CFAP92: variants seen among roughly 807,000 people sequenced by gnomAD.
The protein encoded by CFAP92 is cilia and flagella associated protein 92 (putative), also known as uncharacterized protein CFAP92.
CFAP92 carries 86 observed loss-of-function variants against 106.3 expected under a neutral mutation model. The observed-to-expected ratio is 0.81, with a 90% CI of 0.68 to 0.97. CFAP92 has a LOEUF of 0.97. Among genes scored for constraint, CFAP92 ranks in the 50% least tolerant of loss-of-function variants. The probability of loss-of-function intolerance (pLI) is 0.00; values close to 1 mark genes in which losing one functional copy is unlikely to be tolerated. For synonymous variants in CFAP92, 477 were observed against 506.4 expected (o/e 0.94, Z 0.78); for missense variants, 1,204 against 1,283.8 (o/e 0.94, Z 0.95).
At chr3:129,011,413 T>C in the CFAP92 span, among the ~76,000 whole-genome samples, 1 of 152,028 alleles carries the variant, frequency 6.6e-6, no homozygotes, top group Non-Finnish European at 1.5e-5. Flanking sequence ...TAGCCAGGTG[T>C]CCTGGCACGT....
intron 12 of CFAP92, among the ~76,000 whole-genome samples, chr3:128,918,940 A>ATTTTT (rs10573280): frequency 1.8e-4 from 19 of 105,856 alleles, no homozygotes; most frequent in African/African-American, 5.7e-4. Flanking sequence ...CTCAGATTGG[A>ATTTTT]TTTTTTTTTT....
intron 15 of CFAP92, 108 bp downstream of exon 15, chr3:128,915,011 G>T (rs1936687428): frequency 3.7e-6 from 4 of 1,092,572 alleles, no homozygotes; most frequent in Non-Finnish European, 5.1e-6. Context: ...TAGAAAGTTT[G>T]GTTGATAGTG....
intron 1 of CFAP92, among the ~76,000 whole-genome samples, chr3:129,000,609 A>G (rs1944679597): frequency 6.6e-6 from 1 of 152,224 alleles, no homozygotes; most frequent in African/African-American, 2.4e-5. Flanking sequence ...TGAAAAAGAA[A>G]GGGAACACAG....
At chr3:128,951,947 C>T (rs1488171688) in intron 9 of CFAP92, among the ~76,000 whole-genome samples, 1 of 152,088 alleles carries the variant, frequency 6.6e-6, no homozygotes, top group African/African-American at 2.4e-5. Flanking sequence ...GTGAAGTCCA[C>T]AAGAGCAGTA....
chr3:128,916,083 C>T (rs60997885), intron 13 of CFAP92, 24 bp downstream of exon 13: 378,039 of 1,230,330 alleles, frequency 0.31, 60,903 homozygotes, highest in Non-Finnish European at 0.33. Context: ...TGCCAACTGC[C>T]ATCATCCTGT....
In CFAP92 at chr3:128,949,836, G is replaced by A. The variant is rs181831049; in HGVS notation, c.1354-3861C>T. ...TGAGGAGCTGGGATCACAGGCACGT[G>A]CCACCACGCTCAGCTGATTTTTGTG... On this transcript the variant is annotated intron_variant, in intron 9 of 15. Coordinates refer to ENST00000645291, the MANE Select transcript of CFAP92 (RefSeq NM_001394090.1). Among the ~76,000 whole-genome samples the A allele has an allele frequency of 1.6e-3, 236 of 152,256 alleles. 3 individuals are homozygous for A. The highest frequency in any genetic ancestry group is 0.014 in the Middle Eastern group (4 of 294).
the CFAP92 span, among the ~76,000 whole-genome samples, chr3:129,009,823 C>T: frequency 6.6e-6 from 1 of 152,198 alleles, no homozygotes; most frequent in African/African-American, 2.4e-5. Flanking sequence ...GTCTGGAGGT[C>T]AGCTTTTCCT....
intron 2 of CFAP92, chr3:128,992,017 G>T: frequency 3.4e-6 from 1 of 290,658 alleles, no homozygotes; most frequent in Non-Finnish European, 5.1e-6. Flanking sequence ...CCTCCTGTGT[G>T]TCCGTGTTTC....
intron 12 of CFAP92, among the ~76,000 whole-genome samples, chr3:128,922,563 A>G (rs1222033365): frequency 6.6e-6 from 1 of 152,152 alleles, no homozygotes; most frequent in Non-Finnish European, 1.5e-5. Flanking sequence ...TATTCAGGGA[A>G]AGGATTTTGA....
the CFAP92 span, among the ~76,000 whole-genome samples, chr3:129,019,842 C>A: frequency 1.4e-5 from 2 of 145,762 alleles, no homozygotes; most frequent in Non-Finnish European, 3.0e-5. Flanking sequence ...GATCTCAGCT[C>A]ACTGCAACCT....
intron 1 of CFAP92, chr3:129,002,030 C>G (rs182074815): frequency 6.5e-7 from 1 of 1,543,950 alleles, no homozygotes; most frequent in Non-Finnish European, 8.7e-7. Flanking sequence ...TGGCGCTGCG[C>G]GCCGAGCCGC....
At chr3:128,928,086 A>C (rs1203208978) in intron 12 of CFAP92, among the ~76,000 whole-genome samples, 1 of 151,968 alleles carries the variant, frequency 6.6e-6, no homozygotes, top group African/African-American at 2.4e-5. Context: ...CCCCGTCTCT[A>C]CTAAAAAATA....
the CFAP92 span, among the ~76,000 whole-genome samples, chr3:129,024,981 G>A: frequency 6.6e-6 from 1 of 152,186 alleles, no homozygotes; most frequent in Admixed American, 6.5e-5. Context: ...GGGTGGTCAA[G>A]TGGGTGATGG....
intron 9 of CFAP92, among the ~76,000 whole-genome samples, chr3:128,955,003 C>T (rs1471639793): frequency 1.9e-4 from 6 of 30,958 alleles, no homozygotes; most frequent in Admixed American, 2.6e-4. Context: ...CCGCCCCGTC[C>T]GGGAGGTGAG....
At chr3:128,990,381 C>T (rs1944138989) in intron 2 of CFAP92, among the ~76,000 whole-genome samples, 1 of 152,086 alleles carries the variant, frequency 6.6e-6, no homozygotes, top group Admixed American at 6.5e-5. Flanking sequence ...CCTGTAGTTC[C>T]AGCTGCTTGG....
intron 9 of CFAP92, among the ~76,000 whole-genome samples, chr3:128,950,299 G>C (rs1428539101): frequency 6.6e-6 from 1 of 152,170 alleles, no homozygotes; most frequent in African/African-American, 2.4e-5. Context: ...CAGATCACCC[G>C]ATGGTGAAGC....
chr3:129,022,858 C>T, the CFAP92 span, among the ~76,000 whole-genome samples: 15 of 152,286 alleles, frequency 9.8e-5, no homozygotes, highest in Non-Finnish European at 1.8e-4. Flanking sequence ...GTGGGAGTCG[C>T]GGGCCGGAAA....
intron 9 of CFAP92, among the ~76,000 whole-genome samples, chr3:128,956,977 C>CAAAAAAAAAA (rs766884799): frequency 1.4e-4 from 4 of 28,590 alleles, no homozygotes; most frequent in African/African-American, 2.0e-4. Context: ...CAGACTCTCT[C>CAAAAAAAAAA]AAAAAAAAAA....
At chr3:129,010,407 A>G in the CFAP92 span, among the ~76,000 whole-genome samples, 11 of 152,136 alleles carry the variant, frequency 7.2e-5, no homozygotes, top group East Asian at 2.1e-3. The surrounding 1 kb of genome is among the most constrained non-coding windows in gnomAD (Gnocchi z 4.3). Flanking sequence ...GACAGAAGAG[A>G]CAGAGAGCCA....
Sources: allele counts gnomAD v4.1 joint callset (sites outside exome capture counted in the v4.1 genomes callset), GRCh38; gene constraint gnomAD v4.1.1; non-coding constraint Gnocchi (gnomAD v3.1); transcripts MANE v1.5; gene names NCBI Gene and HGNC (gene_info 2026-07-23, HGNC 2026-07-21).